NUDCD3: variants seen among roughly 807,000 people sequenced by gnomAD.
NUDCD3 encodes the protein NudC domain containing 3, also known as nudC domain-containing protein 3.
Under a neutral mutation model 39.7 loss-of-function variants are expected in NUDCD3, and 13 were observed. That is an observed-to-expected ratio of 0.33 (90% CI 0.21 to 0.52). The LOEUF (loss-of-function observed/expected upper bound fraction) is 0.52. NUDCD3 is among the 20% of genes least tolerant of loss of function. The probability of loss-of-function intolerance (pLI) is 0.96; values close to 1 mark genes in which losing one functional copy is unlikely to be tolerated. For missense variants in NUDCD3, 453 were observed against 458.1 expected (o/e 0.99, Z 0.10); for synonymous variants, 175 against 172.4 (o/e 1.02, Z -0.12).
intron 2 of NUDCD3, chr7:44,468,313 T>C: frequency 2.0e-6 from 3 of 1,518,312 alleles, no homozygotes; most frequent in Non-Finnish European, 2.7e-6. Flanking sequence ...AGACAGCTCG[T>C]GTGCACGTTT....
chr7:44,456,246 A>G (rs1277859284), intron 2 of NUDCD3, among the ~76,000 whole-genome samples: 1 of 152,022 alleles, frequency 6.6e-6, no homozygotes, highest in African/African-American at 2.4e-5. Flanking sequence ...AATTAGAAAA[A>G]TGAAACTAGT....
intron 2 of NUDCD3, among the ~76,000 whole-genome samples, chr7:44,455,634 G>A (rs2116941250): frequency 6.6e-6 from 1 of 152,318 alleles, no homozygotes; most frequent in South Asian, 2.1e-4. Context: ...GTGAGTGCAT[G>A]TGAGTGTGCA....
At chr7:44,432,958 G>A (rs527711072) in intron 2 of NUDCD3, among the ~76,000 whole-genome samples, 8 of 152,264 alleles carry the variant, frequency 5.3e-5, no homozygotes, top group South Asian at 4.1e-4. Flanking sequence ...TCCTAACCCC[G>A]AAGGTGATGG....
intron 3 of NUDCD3, among the ~76,000 whole-genome samples, chr7:44,424,585 G>A (rs1309173185): frequency 5.9e-5 from 9 of 152,134 alleles, no homozygotes; most frequent in South Asian, 2.1e-4. Context: ...AAACCACAAC[G>A]AGATACCATC....
At chr7:44,461,323 C>T (rs961482088) in intron 2 of NUDCD3, among the ~76,000 whole-genome samples, 7 of 152,240 alleles carry the variant, frequency 4.6e-5, no homozygotes, top group Admixed American at 4.6e-4. Context: ...CCTTGAGCAT[C>T]TCCCACTCTA....
chr7:44,477,797 T>C (rs1800405612), intron 2 of NUDCD3, among the ~76,000 whole-genome samples: 1 of 151,932 alleles, frequency 6.6e-6, no homozygotes, highest in Admixed American at 6.6e-5. Context: ...TTTCACTTTT[T>C]ACAAAGTCTT....
chr7:44,468,117 T>G lies in NUDCD3; in HGVS notation c.509+16851A>C, dbSNP rs770045623. ...ACAAAGCACATGCTGCCCAGTGGCT[T>G]CCGGAAGTTCCTGGTCCACAACATC... is the stretch of plus-strand genomic sequence containing the variant. On this transcript the variant is annotated intron_variant, in intron 2 of 5. Transcript: ENST00000355451. 9.3e-6 allele frequency: 15 copies of G among 1,608,116 alleles called. No individual in the cohort carries two copies. The Admixed American group carries it at 2.3e-4, about 25-fold the overall frequency.
chr7:44,463,558 G>T (rs1800058604), intron 2 of NUDCD3, among the ~76,000 whole-genome samples: 1 of 152,136 alleles, frequency 6.6e-6, no homozygotes, highest in African/African-American at 2.4e-5. Flanking sequence ...AAGAAGTGAT[G>T]CTGCAGAACA....
At chr7:44,430,085 T>G (rs1585073282) in intron 2 of NUDCD3, among the ~76,000 whole-genome samples, 1 of 152,358 alleles carries the variant, frequency 6.6e-6, no homozygotes, top group African/African-American at 2.4e-5. Flanking sequence ...TGGTTATCTC[T>G]GATAGTAGAG....
chr7:44,450,216 C>T (rs1799768594), intron 2 of NUDCD3, among the ~76,000 whole-genome samples: 2 of 150,138 alleles, frequency 1.3e-5, no homozygotes, highest in Admixed American at 6.6e-5. Flanking sequence ...CTCGCTTTAT[C>T]GCCCAGGCTG....
At chr7:44,487,796 A>T (rs1173502057) in intron 1 of NUDCD3, among the ~76,000 whole-genome samples, 1 of 151,804 alleles carries the variant, frequency 6.6e-6, no homozygotes, top group Non-Finnish European at 1.5e-5. Flanking sequence ...ACTACTAAAA[A>T]TACAAAAATT....
chr7:44,454,916 A>G (rs1168012231), intron 2 of NUDCD3, among the ~76,000 whole-genome samples: 1 of 151,878 alleles, frequency 6.6e-6, no homozygotes. Flanking sequence ...CCTGGGTGAC[A>G]GAACAGGACC....
intron 2 of NUDCD3, among the ~76,000 whole-genome samples, chr7:44,440,496 GAAAAA>G (rs72065068): frequency 2.1e-5 from 1 of 48,386 alleles, no homozygotes; most frequent in Non-Finnish European, 4.0e-5. Flanking sequence ...CAGAAAAATT[GAAAAA>G]AAAAAAAAAA....
intron 2 of NUDCD3, among the ~76,000 whole-genome samples, chr7:44,472,985 T>C (rs1176393294): frequency 6.6e-6 from 1 of 152,204 alleles, no homozygotes; most frequent in African/African-American, 2.4e-5. Flanking sequence ...TTAGCTGATA[T>C]TCATACACAT....
chr7:44,490,539 C>T lies in NUDCD3; in HGVS notation c.62G>A (p.Gly21Asp). The change falls in exon 1 of 6, where the codon GGC (glycine) becomes GAC (aspartate). Residue 21 changes from glycine (G) to aspartate (D), a missense_variant. Gly to Asp is a moderately conservative substitution (Grantham distance 94). Transcript: ENST00000355451. Reference protein sequence around the residue: ...QALLGILQHVGNVQDFLRVLF... With the variant: ...QALLGILQHVDNVQDFLRVLF... ...AACGCGCAGGAAATCCTGGACGTTGCCCACGTGCTGCAGGATGCCCAAAAG... is the reference window on the plus strand; with the variant it reads ...AACGCGCAGGAAATCCTGGACGTTGTCCACGTGCTGCAGGATGCCCAAAAG... 6.2e-7 allele frequency: 1 copy of T among 1,612,198 alleles called. No homozygotes were observed. The highest frequency in any genetic ancestry group is 8.5e-7 in the Non-Finnish European group (1 of 1,179,232).
rs116649955 is a variant in NUDCD3, at chr7:44,465,660, C to T, written c.509+19308G>A. ...TTCATAGACTATCTCCTGACCGGTACACCAGACACTGGTAACAGCAGCCAC... is the reference window on the plus strand; with the variant it reads ...TTCATAGACTATCTCCTGACCGGTATACCAGACACTGGTAACAGCAGCCAC... On this transcript the variant is annotated intron_variant, in intron 2 of 5. Transcript: ENST00000355451. 6.7e-3 allele frequency among the ~76,000 whole-genome samples: 1,014 copies of T among 152,242 alleles called. 10 individuals carry two copies. The highest frequency in any genetic ancestry group is 0.023 in the African/African-American group (957 of 41,538).
At chr7:44,459,546 T>A (rs1799967705) in intron 2 of NUDCD3, among the ~76,000 whole-genome samples, 1 of 152,228 alleles carries the variant, frequency 6.6e-6, no homozygotes, top group Non-Finnish European at 1.5e-5. Context: ...CAAATATAAT[T>A]GTTTTAATCA....
intron 1 of NUDCD3, among the ~76,000 whole-genome samples, chr7:44,488,715 C>T (rs1800669608): frequency 6.6e-6 from 1 of 152,150 alleles, no homozygotes; most frequent in African/African-American, 2.4e-5. Flanking sequence ...AAGTTGAAAC[C>T]TTGGATCATC....
chr7:44,393,841 G>A (rs1327316112), intron 4 of NUDCD3, among the ~76,000 whole-genome samples: 1 of 152,140 alleles, frequency 6.6e-6, no homozygotes, highest in Non-Finnish European at 1.5e-5. Context: ...GCCACACTCA[G>A]GGTAACTGTG....
Sources: allele counts gnomAD v4.1 joint callset (sites outside exome capture counted in the v4.1 genomes callset), GRCh38; gene constraint gnomAD v4.1.1; transcripts MANE v1.5; gene names NCBI Gene and HGNC (gene_info 2026-07-23, HGNC 2026-07-21).